The following ALDOB variants were observed in gnomAD, a reference collection of about 807,000 sequenced individuals.
ALDOB encodes the protein fructose-bisphosphate aldolase B.
ALDOB carries 39 observed loss-of-function variants against 41.0 expected under a neutral mutation model. The observed-to-expected ratio is 0.95, with a 90% confidence interval of 0.74 to 1.24. ALDOB has a LOEUF of 1.24. ALDOB is among the 50% of genes most tolerant of loss of function. ALDOB has a pLI of 0.00. For missense variants in ALDOB, 530 were observed against 457.3 expected (o/e 1.16, Z -1.45); for synonymous variants, 175 against 168.8 (o/e 1.04, Z -0.28).
At position 101,427,621 on chromosome 9, in the gene ALDOB, C is replaced by A. The variant is rs145252200; in HGVS notation, c.401G>T (p.Arg134Leu). 3.7e-6 allele frequency: 6 copies of A among 1,614,116 alleles called. No homozygotes were observed. The highest frequency in any genetic ancestry group is 1.6e-4 in the Middle Eastern group (1 of 6,062). The change falls in exon 5 of 9, where the codon CGC becomes CTC. Residue 134 changes from arginine to leucine, a missense_variant. Physicochemically the swap from Arg to Leu is moderately radical, Grantham distance 102. Coordinates refer to ENST00000647789, the MANE Select transcript of ALDOB (RefSeq NM_000035.4). Reference sequence around the variant, plus strand: ...ACCATCTTTCTTGTACTGAGCACAGCGCTCTGAGAGGCCATCAAGCCCTGC... The same window carrying A: ...ACCATCTTTCTTGTACTGAGCACAGAGCTCTGAGAGGCCATCAAGCCCTGC... ...TIQGLDGLSE[R>L]CAQYKKDGVD...
chr9:101,425,697 T>C (rs922833334), intron 6 of ALDOB, 70 bp from the exon 7 acceptor site: 1 of 1,509,438 alleles, frequency 6.6e-7, no homozygotes, highest in Admixed American at 1.7e-5. Flanking sequence ...TTGGCACATT[T>C]ACACTGCAGG....
At position 101,423,712 on chromosome 9, in the gene ALDOB, G is replaced by C. The variant is rs572775377; in HGVS notation, c.999+1131C>G. ...TTAATATTGAGTCTCATGCAGTCCTGCTCCTCTAAGTTCTTCTCCACTCAA... is the reference window on the plus strand; with the variant it reads ...TTAATATTGAGTCTCATGCAGTCCTCCTCCTCTAAGTTCTTCTCCACTCAA... On this transcript the variant is annotated intron_variant, in intron 8 of 8. Transcript: ENST00000647789. 1.1e-4 allele frequency among the ~76,000 whole-genome samples: 16 copies of C among 152,066 alleles called. No homozygotes were observed. The South Asian group carries it at 3.1e-3, about 30-fold the overall frequency.
rs185986022 is a variant in ALDOB at position 101,421,620 on chromosome 9, G to A, written c.*189C>T. ...AAACTGCTGTGTGAAATTTGATCAGGTCCTTGGTATTCATTTTTATGTTTC... is the reference window on the plus strand; with the variant it reads ...AAACTGCTGTGTGAAATTTGATCAGATCCTTGGTATTCATTTTTATGTTTC... On this transcript the variant is annotated 3_prime_UTR_variant, in exon 9 of 9. Transcript: ENST00000647789. The A allele has an allele frequency of 8.4e-4, 567 of 671,926 alleles. 4 individuals carry two copies. In the African/African-American group the frequency reaches 8.6e-3, roughly 10 times the overall value. 41.6% of individuals were successfully genotyped at this position (671,926 alleles called of 1,614,324 possible).
At position 101,427,646 on chromosome 9, in the gene ALDOB, C is replaced by T. The variant is rs747876844; in HGVS notation, c.380-4G>A. 1 of 1,614,020 alleles carries T rather than the reference C, an allele frequency of 6.2e-7. No homozygotes were observed. The highest frequency in any genetic ancestry group is 1.1e-5 in the South Asian group (1 of 91,088). ...CGCTCTGAGAGGCCATCAAGCCCTG[C>T]AAGTCACAAAAGAGAGAAAGGCTTC... is the stretch of plus-strand genomic sequence containing the variant. On this transcript the variant is annotated splice_polypyrimidine_tract_variant and splice_region_variant and intron_variant, in intron 4 of 8. Coordinates refer to ENST00000647789, the MANE Select transcript of ALDOB (RefSeq NM_000035.4).
chr9:101,424,033 G>T (rs1831087894), intron 8 of ALDOB, among the ~76,000 whole-genome samples: 1 of 152,090 alleles, frequency 6.6e-6, no homozygotes, highest in African/African-American at 2.4e-5. Flanking sequence ...TTCAGTGAGG[G>T]TCACTGGTAT....
At chr9:101,423,447 T>C (rs1362994528) in intron 8 of ALDOB, among the ~76,000 whole-genome samples, 1 of 152,230 alleles carries the variant, frequency 6.6e-6, no homozygotes, top group Non-Finnish European at 1.5e-5. Flanking sequence ...TACCTGATGC[T>C]TGGCTATGTC....
chr9:101,428,219 T>C (rs978136239), intron 4 of ALDOB, among the ~76,000 whole-genome samples: 5 of 152,214 alleles, frequency 3.3e-5, no homozygotes, highest in Non-Finnish European at 5.9e-5. Context: ...CTTATGTACA[T>C]TGTCTAAGTT....
chr9:101,427,679 C>A (rs369813383), intron 4 of ALDOB, 37 bp from the exon 5 acceptor site: 81 of 1,612,602 alleles, frequency 5.0e-5, no homozygotes, highest in Non-Finnish European at 6.6e-5. Context: ...TTCTTTGTAC[C>A]TTTGTACCTG....
At chr9:101,428,734 C>G (rs1286046950) in intron 3 of ALDOB, among the ~76,000 whole-genome samples, 1 of 152,314 alleles carries the variant, frequency 6.6e-6, no homozygotes, top group South Asian at 2.1e-4. Context: ...TGAGCACCTG[C>G]ATGCACCAGG....
chr9:101,429,705 G>A (rs1366971761), intron 3 of ALDOB, 50 bp downstream of exon 3: 3 of 1,551,406 alleles, frequency 1.9e-6, no homozygotes, highest in Non-Finnish European at 2.7e-6. Context: ...CAGTGTGCTT[G>A]GAGTTTGCCT....
chr9:101,432,762 G>A (rs1288396009), intron 1 of ALDOB, among the ~76,000 whole-genome samples: 1 of 152,158 alleles, frequency 6.6e-6, no homozygotes, highest in African/African-American at 2.4e-5. Flanking sequence ...AGCTAATAAG[G>A]CATCAAGTTG....
At position 101,421,293 on chromosome 9, in the gene ALDOB, A is replaced by C; in HGVS notation, c.*516T>G. On this transcript the variant is annotated 3_prime_UTR_variant, in exon 9 of 9. Coordinates refer to ENST00000647789, the MANE Select transcript of ALDOB (RefSeq NM_000035.4). ...TTGAAGACCTTTACTGTTGAAACCC[A>C]GTCATGTCTAGTAGAGTCAAAAGTA... is the stretch of plus-strand genomic sequence containing the variant. 1 of 184,716 alleles carries C rather than the reference A, an allele frequency of 5.4e-6. No individual in the cohort carries two copies. The highest frequency in any genetic ancestry group is 1.2e-5 in the Non-Finnish European group (1 of 86,406). The allele number at this position is 184,716 out of a possible 1,614,324, so 11.4% of individuals were successfully genotyped here.
rs1831258458 is a variant in ALDOB at position 101,434,101 on chromosome 9, C to T, written c.-11+1608G>A. Among the ~76,000 whole-genome samples, 4 of 152,112 alleles carry T rather than the reference C, an allele frequency of 2.6e-5. No individual in the cohort carries two copies. The South Asian group carries it at 8.3e-4, about 32-fold the overall frequency. On this transcript the variant is annotated intron_variant, in intron 1 of 8. Transcript: ENST00000647789. ...TTCATTTTATACATTCTTTATCACG[C>T]ACTTTATTACATATGTGTAACAAGT...
intron 6 of ALDOB, 87 bp from the exon 7 acceptor site, chr9:101,425,714 G>A: frequency 7.1e-7 from 1 of 1,401,008 alleles, no homozygotes; most frequent in Non-Finnish European, 1.0e-6. Flanking sequence ...CAGGGAGGCA[G>A]GATGAAGGAA....
intron 1 of ALDOB, among the ~76,000 whole-genome samples, chr9:101,435,211 TC>T (rs1225424596): frequency 1.3e-5 from 2 of 152,168 alleles, no homozygotes; most frequent in Non-Finnish European, 2.9e-5. Flanking sequence ...GGCAAAATAC[TC>T]CAAGGGTTTG....
intron 1 of ALDOB, among the ~76,000 whole-genome samples, chr9:101,431,328 T>C (rs1026771997): frequency 1.3e-5 from 2 of 152,252 alleles, no homozygotes; most frequent in Non-Finnish European, 2.9e-5. Context: ...TCCTCTGCTT[T>C]GCTCTGTTAG....
intron 1 of ALDOB, among the ~76,000 whole-genome samples, chr9:101,431,132 C>T (rs1315597780): frequency 6.6e-6 from 1 of 152,198 alleles, no homozygotes; most frequent in Non-Finnish European, 1.5e-5. Flanking sequence ...AGACAGAATG[C>T]TTTCCAGCAG....
chr9:101,428,186 G>T (rs1442269259), intron 4 of ALDOB, among the ~76,000 whole-genome samples: 1 of 152,022 alleles, frequency 6.6e-6, no homozygotes. Context: ...AATCTTCTTT[G>T]TCCAAGGTAC....
intron 7 of ALDOB, 62 bp from the exon 8 acceptor site, chr9:101,425,104 C>A: frequency 6.4e-7 from 1 of 1,572,048 alleles, no homozygotes; most frequent in Non-Finnish European, 8.7e-7. Context: ...CTTGAGAAAG[C>A]AAGCAATGAA....
Sources: allele counts gnomAD v4.1 joint callset (sites outside exome capture counted in the v4.1 genomes callset), GRCh38; gene constraint gnomAD v4.1.1; transcripts MANE v1.5; gene names NCBI Gene and HGNC (gene_info 2026-07-23, HGNC 2026-07-21).